The following BCAS3 variants were observed in gnomAD, a reference collection of about 807,000 sequenced individuals.
The protein encoded by BCAS3 is BCAS4/BCAS3 fusion.
A neutral mutation model predicts 116.1 loss-of-function variants in BCAS3; 53 were observed. The observed-to-expected ratio is 0.46, with a 90% CI of 0.37 to 0.57. BCAS3 has a LOEUF of 0.57. Ranked by LOEUF, BCAS3 falls within the 20% of genes least tolerant of loss-of-function variation. BCAS3 has a pLI of 0.00. For synonymous variants in BCAS3, 391 were observed against 408.2 expected (o/e 0.96, Z 0.51); for missense variants, 917 against 1,165.4 (o/e 0.79, Z 3.10).
intron 15 of BCAS3, among the ~76,000 whole-genome samples, chr17:60,996,897 C>T (rs58692065): frequency 0.14 from 21,761 of 150,552 alleles, 4,877 homozygotes; most frequent in African/African-American, 0.5. Context: ...ATTCTACTGA[C>T]AGATCAATGA....
rs1333423020 is a variant in BCAS3 at position 61,363,045 on chromosome 17, A to G, written c.2426-5282A>G. 2.0e-5 allele frequency among the ~76,000 whole-genome samples: 3 copies of G among 152,146 alleles called. No individual in the cohort carries two copies. The highest frequency in any genetic ancestry group is 7.2e-5 in the African/African-American group (3 of 41,424). On this transcript the variant is annotated intron_variant, in intron 22 of 23. Coordinates refer to ENST00000407086, the MANE Select transcript of BCAS3 (RefSeq NM_017679.5). This position sits in a 1 kb window ranked among gnomAD's most constrained non-coding sequence, Gnocchi z 4.9. ...GCATGATGTACAAAGTTCGGTGCCT[A>G]TTTTCATTATGGAGGAATTCATGCC...
chr17:61,117,773 AC>A (rs771697803), intron 22 of BCAS3, among the ~76,000 whole-genome samples: 3 of 152,044 alleles, frequency 2.0e-5, no homozygotes, highest in African/African-American at 7.2e-5. Flanking sequence ...ACTCCCTGCC[AC>A]CCCCTACATG....
rs1163806310 is a variant in BCAS3 at position 61,380,820 on chromosome 17, T to G, written c.2594-11157T>G. On this transcript the variant is annotated intron_variant, in intron 23 of 23. Coordinates refer to ENST00000407086, the MANE Select transcript of BCAS3 (RefSeq NM_017679.5). The surrounding 1 kb of genome is among the most constrained non-coding windows in gnomAD (Gnocchi z 4.2). Reference sequence around the variant, plus strand: ...CTGCCCCCCACTTTGAAGATGGAAGTGAAATTTTCGGACTCTGCTGTGCAG... The same window carrying G: ...CTGCCCCCCACTTTGAAGATGGAAGGGAAATTTTCGGACTCTGCTGTGCAG... Among the ~76,000 whole-genome samples, 3 of 152,176 alleles carry G rather than the reference T, an allele frequency of 2.0e-5. No homozygotes were observed. The highest frequency in any genetic ancestry group is 4.4e-5 in the Non-Finnish European group (3 of 68,018).
At chr17:61,096,090 A>G (rs2073950983) in intron 22 of BCAS3, among the ~76,000 whole-genome samples, 1 of 152,118 alleles carries the variant, frequency 6.6e-6, no homozygotes. Flanking sequence ...CTCCACCTCC[A>G]GGGTTCAAGC....
Position 61,136,919 on chromosome 17 carries a change from G to A in BCAS3, c.2425+52355G>A, listed in dbSNP as rs922460211. 3.3e-5 allele frequency among the ~76,000 whole-genome samples: 5 copies of A among 152,130 alleles called. No homozygotes were observed. Among genetic ancestry groups the A allele is most frequent in the African/African-American group, 4.8e-5 (2 of 41,404 alleles). On this transcript the variant is annotated intron_variant, in intron 22 of 23. Transcript: ENST00000407086. This position sits in a 1 kb window ranked among gnomAD's most constrained non-coding sequence, Gnocchi z 4.4. ...CAGCAGTAACCAGACCCTGGTGGGT[G>A]CTGAGAAAATGTTGAATTATTCAGA...
Position 61,020,853 on chromosome 17 carries a change from A to G in BCAS3, c.1637+4952A>G, listed in dbSNP as rs1165128346. 6.6e-6 allele frequency among the ~76,000 whole-genome samples: 1 copy of G among 152,232 alleles called. No homozygotes were observed. The highest frequency in any genetic ancestry group is 1.9e-4 in the East Asian group (1 of 5,196). ...ACACAAGCAGAGAACAGTAAATTTC[A>G]AAAAGAAGTCATGGTAGGTAGTTCC... is the stretch of plus-strand genomic sequence containing the variant. On this transcript the variant is annotated intron_variant, in intron 16 of 23. Coordinates refer to ENST00000407086, the MANE Select transcript of BCAS3 (RefSeq NM_017679.5). The surrounding 1 kb of genome is among the most constrained non-coding windows in gnomAD (Gnocchi z 4.5).
chr17:61,255,909 A>T (rs796101673), intron 22 of BCAS3, among the ~76,000 whole-genome samples: 7 of 152,306 alleles, frequency 4.6e-5, no homozygotes, highest in African/African-American at 1.7e-4. Flanking sequence ...CTTACCAAGT[A>T]CTATGAAGAG....
intron 22 of BCAS3, among the ~76,000 whole-genome samples, chr17:61,334,603 G>T (rs1341585130): frequency 6.8e-6 from 1 of 146,692 alleles, no homozygotes; most frequent in Non-Finnish European, 1.5e-5. Flanking sequence ...GGTGGAGGTT[G>T]CGGTGAGCTG....
intron 6 of BCAS3, among the ~76,000 whole-genome samples, chr17:60,762,552 G>A (rs1415004653): frequency 6.6e-6 from 1 of 152,056 alleles, no homozygotes; most frequent in Non-Finnish European, 1.5e-5. Flanking sequence ...TGTTCCTTTG[G>A]TCTATATCTC....
At chr17:60,718,512 G>A (rs1024652305) in intron 5 of BCAS3, among the ~76,000 whole-genome samples, 1 of 152,114 alleles carries the variant, frequency 6.6e-6, no homozygotes, top group African/African-American at 2.4e-5. Context: ...TTTGCTCACT[G>A]CAGCCTCTAC....
chr17:60,699,818 G>A (rs1441703247), intron 4 of BCAS3, among the ~76,000 whole-genome samples: 1 of 148,700 alleles, frequency 6.7e-6, no homozygotes, highest in Non-Finnish European at 1.5e-5. Context: ...AGCCGAGATC[G>A]AGCCACTGCA....
intron 4 of BCAS3, among the ~76,000 whole-genome samples, chr17:60,707,094 C>T (rs1046232479): frequency 2.6e-5 from 4 of 152,002 alleles, no homozygotes; most frequent in African/African-American, 7.2e-5. Flanking sequence ...TGGGTTCAAG[C>T]CATTCTCCTG....
In BCAS3 at chr17:61,129,512, A is replaced by G. The variant is rs1030847336; in HGVS notation, c.2425+44948A>G. Among the ~76,000 whole-genome samples the G allele has an allele frequency of 8.5e-5, 13 of 152,344 alleles. No individual in the cohort carries two copies. In the South Asian group the frequency reaches 2.5e-3, roughly 29 times the overall value. ...GTTTTGACAACTTGCTCTGGTTGCC[A>G]TGTGTCTCCCAGTCCTGCTGGTGGG... On this transcript the variant is annotated intron_variant, in intron 22 of 23. Transcript: ENST00000407086.
In BCAS3 at chr17:61,286,131, A is replaced by G. The variant is rs2051751007; in HGVS notation, c.2426-82196A>G. ...AGTGTGAGTCAACAGACTGCTACAAAGTAGCTTAAACTCTGCACACATCTT... is the reference window on the plus strand; with the variant it reads ...AGTGTGAGTCAACAGACTGCTACAAGGTAGCTTAAACTCTGCACACATCTT... On this transcript the variant is annotated intron_variant, in intron 22 of 23. Coordinates refer to ENST00000407086, the MANE Select transcript of BCAS3 (RefSeq NM_017679.5). The surrounding 1 kb of genome is among the most constrained non-coding windows in gnomAD (Gnocchi z 4.8). Among the ~76,000 whole-genome samples the G allele has an allele frequency of 6.6e-6, 1 of 152,192 alleles. No homozygotes were observed. The highest frequency in any genetic ancestry group is 2.4e-5 in the African/African-American group (1 of 41,454).
At chr17:61,238,498 G>C (rs544027782) in intron 22 of BCAS3, among the ~76,000 whole-genome samples, 1 of 152,216 alleles carries the variant, frequency 6.6e-6, no homozygotes, top group South Asian at 2.1e-4. Flanking sequence ...TGGGATTACA[G>C]TTGTGAGCCA....
At position 61,181,475 on chromosome 17, in the gene BCAS3, A is replaced by G. The variant is rs1376778416; in HGVS notation, c.2425+96911A>G. Among the ~76,000 whole-genome samples, 3 of 152,214 alleles carry G rather than the reference A, an allele frequency of 2.0e-5. No individual in the cohort carries two copies. Among genetic ancestry groups the G allele is most frequent in the Admixed American group, 2.0e-4 (3 of 15,276 alleles). ...TGACCATTTATGGACCAATACACCC[A>G]GAAACAGTCTTTTGTGTAGTAACCC... On this transcript the variant is annotated intron_variant, in intron 22 of 23. Coordinates refer to ENST00000407086, the MANE Select transcript of BCAS3 (RefSeq NM_017679.5). The surrounding 1 kb of genome is among the most constrained non-coding windows in gnomAD (Gnocchi z 5.0).
chr17:60,922,897 T>C (rs2059180398), intron 12 of BCAS3, among the ~76,000 whole-genome samples: 1 of 152,090 alleles, frequency 6.6e-6, no homozygotes, highest in Non-Finnish European at 1.5e-5. Flanking sequence ...TGAATGAAAA[T>C]GAAAACAGAA....
intron 3 of BCAS3, chr17:60,688,886 C>T (rs1226701279): frequency 6.6e-6 from 1 of 151,444 alleles, no homozygotes; most frequent in Non-Finnish European, 1.5e-5. Context: ...CTGTTGAATA[C>T]TGTTGATACT....
chr17:61,230,796 G>GAT (rs1220743589), intron 22 of BCAS3, among the ~76,000 whole-genome samples: 8 of 151,928 alleles, frequency 5.3e-5, no homozygotes, highest in East Asian at 1.9e-4. Flanking sequence ...TTTTCCTTTG[G>GAT]ATATATATAT....
Sources: allele counts gnomAD v4.1 joint callset (sites outside exome capture counted in the v4.1 genomes callset), GRCh38; gene constraint gnomAD v4.1.1; non-coding constraint Gnocchi (gnomAD v3.1); transcripts MANE v1.5; gene names NCBI Gene and HGNC (gene_info 2026-07-23, HGNC 2026-07-21).